FBN1: variants seen among roughly 807,000 people sequenced by gnomAD.
The protein encoded by FBN1 is fibrillin 1.
Under a neutral mutation model 365.1 loss-of-function variants are expected in FBN1, and 29 were observed. The observed-to-expected ratio is 0.08, with a 90% CI of 0.06 to 0.11. The LOEUF is 0.11. FBN1 is among the 10% of genes least tolerant of loss of function. The probability of loss-of-function intolerance (pLI) is 1.00; values close to 1 mark genes in which losing one functional copy is unlikely to be tolerated. For missense variants in FBN1, 2,476 were observed against 3,703.2 expected (o/e 0.67, Z 8.60); for synonymous variants, 1,210 against 1,270.5 (o/e 0.95, Z 1.01).
intron 2 of FBN1, among the ~76,000 whole-genome samples, chr15:48,633,024 C>T (rs753361680): frequency 6.6e-6 from 1 of 152,220 alleles, no homozygotes; most frequent in African/African-American, 2.4e-5. Flanking sequence ...CACTGAAAAG[C>T]ATTTGCCTAC....
chr15:48,643,706 A>ATT (rs1317786058), intron 2 of FBN1: 1 of 152,204 alleles, frequency 6.6e-6, no homozygotes, highest in African/African-American at 2.4e-5. Flanking sequence ...GTCTGAATTT[A>ATT]TTTAACAGGC....
chr15:48,634,635 T>C (rs1245259659), intron 2 of FBN1, among the ~76,000 whole-genome samples: 2 of 152,042 alleles, frequency 1.3e-5, no homozygotes, highest in East Asian at 1.9e-4. Context: ...GGTAAAAATT[T>C]TGTATTTTAC....
rs2043291592 is a variant in FBN1 at position 48,463,065 on chromosome 15, G to A, written c.5224+17C>T. ...TTTTCAACCTATATTTTTGATAATG[G>A]AGAAACTAAAACTCACCTGTACTTG... On this transcript the variant is annotated intron_variant, in intron 42 of 65. Transcript: ENST00000316623. The A allele has an allele frequency of 6.2e-7, 1 of 1,612,684 alleles. No individual in the cohort carries two copies. The highest frequency in any genetic ancestry group is 1.7e-5 in the Admixed American group (1 of 60,004).
intron 49 of FBN1, 104 bp downstream of exon 49, chr15:48,444,437 G>T (rs2141247864): frequency 7.3e-7 from 1 of 1,372,928 alleles, no homozygotes. Flanking sequence ...ATTTGTTTCT[G>T]ATAAAGTATT....
chr15:48,521,703 A>G (rs1474999191), intron 9 of FBN1, among the ~76,000 whole-genome samples: 1 of 152,250 alleles, frequency 6.6e-6, no homozygotes, highest in African/African-American at 2.4e-5. Context: ...ACCACGAAAC[A>G]GTGAAGGCAG....
chr15:48,467,574 G>A (rs1453526450), intron 38 of FBN1, among the ~76,000 whole-genome samples: 3 of 152,060 alleles, frequency 2.0e-5, no homozygotes, highest in East Asian at 1.9e-4. Flanking sequence ...TTCAAACCCC[G>A]GGACACTGAG....
chr15:48,412,813 T>C, intron 64 of FBN1, 70 bp from the exon 65 acceptor site: 1 of 1,568,458 alleles, frequency 6.4e-7, no homozygotes, highest in Non-Finnish European at 8.8e-7. Flanking sequence ...ACAAGAGTTC[T>C]GGTGAAGCCT....
chr15:48,423,169 T>G (rs1156516794), intron 60 of FBN1, among the ~76,000 whole-genome samples: 1 of 152,208 alleles, frequency 6.6e-6, no homozygotes, highest in African/African-American at 2.4e-5. Flanking sequence ...TAATGATAAT[T>G]TTAAAATTGT....
intron 8 of FBN1, chr15:48,528,926 C>G (rs746161306): frequency 3.9e-5 from 6 of 152,054 alleles, no homozygotes; most frequent in Non-Finnish European, 7.4e-5. Context: ...GGAAAGTTCC[C>G]GACAGCAAAG....
intron 34 of FBN1, 32 bp from the exon 35 acceptor site, chr15:48,472,708 C>T (rs776498394): frequency 1.9e-6 from 3 of 1,614,104 alleles, no homozygotes; most frequent in Middle Eastern, 1.7e-4. Flanking sequence ...CGTTACTCTT[C>T]CTCGGTTAGG....
intron 6 of FBN1, among the ~76,000 whole-genome samples, chr15:48,544,839 T>C (rs1038523624): frequency 2.0e-5 from 3 of 152,182 alleles, no homozygotes; most frequent in African/African-American, 7.2e-5. Context: ...TGTAAAGTTA[T>C]CTCTACTTTT....
intron 49 of FBN1, among the ~76,000 whole-genome samples, chr15:48,443,379 GC>G (rs2043130885): frequency 6.6e-6 from 1 of 152,090 alleles, no homozygotes; most frequent in Non-Finnish European, 1.5e-5. Flanking sequence ...TTAGGATAGG[GC>G]CAAATATTGT....
At chr15:48,423,865 T>C (rs373233460) in intron 60 of FBN1, among the ~76,000 whole-genome samples, 4 of 152,224 alleles carry the variant, frequency 2.6e-5, no homozygotes, top group Non-Finnish European at 5.9e-5. Flanking sequence ...TGAGTGGACA[T>C]GTAAAAATTA....
At chr15:48,435,702 G>GTA (rs1200549093) in intron 53 of FBN1, among the ~76,000 whole-genome samples, 1 of 147,436 alleles carries the variant, frequency 6.8e-6, no homozygotes, top group East Asian at 2.1e-4. Flanking sequence ...ATGTGTGTGT[G>GTA]TATATATATG....
intron 9 of FBN1, among the ~76,000 whole-genome samples, chr15:48,524,388 C>A (rs1197004209): frequency 1.3e-5 from 2 of 152,162 alleles, no homozygotes; most frequent in Non-Finnish European, 2.9e-5. Flanking sequence ...TCATTCCAAA[C>A]AACTGTCTTA....
chr15:48,618,955 C>A (rs898492790), intron 2 of FBN1, among the ~76,000 whole-genome samples: 1 of 152,118 alleles, frequency 6.6e-6, no homozygotes, highest in Non-Finnish European at 1.5e-5. Flanking sequence ...AAGCTCAAGG[C>A]TCCCACTGAT....
chr15:48,476,764 C>T (rs1597555529), intron 32 of FBN1: 1 of 171,598 alleles, frequency 5.8e-6, no homozygotes, highest in East Asian at 1.7e-4. Flanking sequence ...GTGCCTGCCA[C>T]CACGCCTGGC....
At chr15:48,560,378 T>C (rs2044214375) in intron 6 of FBN1, among the ~76,000 whole-genome samples, 1 of 152,216 alleles carries the variant, frequency 6.6e-6, no homozygotes, top group Non-Finnish European at 1.5e-5. Context: ...GGGATAATAA[T>C]ACCTGCCTCA....
At chr15:48,502,876 A>C (rs2043673104) in intron 17 of FBN1, among the ~76,000 whole-genome samples, 1 of 152,248 alleles carries the variant, frequency 6.6e-6, no homozygotes, top group Admixed American at 6.5e-5. Context: ...TCCCCTGATT[A>C]AGTAATTTGG....
Sources: allele counts gnomAD v4.1 joint callset (sites outside exome capture counted in the v4.1 genomes callset), GRCh38; gene constraint gnomAD v4.1.1; transcripts MANE v1.5; gene names NCBI Gene and HGNC (gene_info 2026-07-23, HGNC 2026-07-21).